Variants in TLE4 observed in about 807,000 individuals in gnomAD.
TLE4 encodes transducin-like enhancer protein 4.
A neutral mutation model predicts 92.8 loss-of-function variants in TLE4; 8 were observed. The ratio of observed to expected loss-of-function variants is 0.09; its 90% CI spans 0.05 to 0.16. The LOEUF is 0.16. Among genes scored for constraint, TLE4 ranks in the 10% least tolerant of loss-of-function variants. TLE4 has a pLI of 1.00. For synonymous variants in TLE4, 371 were observed against 374.1 expected (o/e 0.99, Z 0.10); for missense variants, 675 against 997.6 (o/e 0.68, Z 4.36).
At chr9:79,575,354 A>C (rs1166365472) in intron 3 of TLE4, among the ~76,000 whole-genome samples, 1 of 152,212 alleles carries the variant, frequency 6.6e-6, no homozygotes, top group Non-Finnish European at 1.5e-5. Flanking sequence ...AGACATTATT[A>C]AAAAATAATG....
chr9:79,704,261 G>A (rs548213234), intron 8 of TLE4, among the ~76,000 whole-genome samples: 2 of 152,114 alleles, frequency 1.3e-5, no homozygotes, highest in South Asian at 4.2e-4. Flanking sequence ...CTGCAGGCAC[G>A]CCACCATGCC....
At chr9:79,704,581 C>T in intron 8 of TLE4, 1 of 600,054 alleles carries the variant, frequency 1.7e-6, no homozygotes, top group Non-Finnish European at 2.8e-6. Context: ...TTATCTTTCC[C>T]CCTTGTCTTT....
At chr9:79,666,838 C>G (rs927357057) in intron 8 of TLE4, among the ~76,000 whole-genome samples, 1 of 147,210 alleles carries the variant, frequency 6.8e-6, no homozygotes, top group African/African-American at 2.6e-5. Context: ...AAAACTGTAC[C>G]TGATACTTAA....
chr9:79,646,034 C>A (rs1314448749), intron 6 of TLE4, among the ~76,000 whole-genome samples: 1 of 151,752 alleles, frequency 6.6e-6, no homozygotes, highest in Non-Finnish European at 1.5e-5. Context: ...CTCTTTAATT[C>A]TTTGGCTTGA....
chr9:79,646,071 CTA>C (rs200266157), intron 6 of TLE4, among the ~76,000 whole-genome samples: 19 of 150,280 alleles, frequency 1.3e-4, no homozygotes, highest in African/African-American at 3.7e-4. Context: ...CTTCTAAAGC[CTA>C]TATATATATA....
At position 79,725,416 on chromosome 9, in the gene TLE4, A is replaced by G. The variant is rs1218533660; in HGVS notation, c.*272A>G. The G allele has an allele frequency of 8.6e-6, 2 of 233,610 alleles. No individual in the cohort carries two copies. The highest frequency in any genetic ancestry group is 5.3e-5 in the Admixed American group (1 of 19,036). The allele number at this position is 233,610 out of a possible 1,614,324, so 14.5% of individuals were successfully genotyped here. A position where few individuals can be genotyped will look rare whatever the true frequency, so the allele number is the denominator to read the frequency against. ...TGAAAAGAATCTTTAATTATGTATT[A>G]TATCTGTAATATATTTATTTTGTTT... On this transcript the variant is annotated 3_prime_UTR_variant, in exon 20 of 20. Transcript: ENST00000376552.
chr9:79,622,244 C>T (rs1249882587), intron 5 of TLE4, among the ~76,000 whole-genome samples: 1 of 152,096 alleles, frequency 6.6e-6, no homozygotes, highest in Non-Finnish European at 1.5e-5. Flanking sequence ...ACACCCTTTC[C>T]ACTTTAAAGT....
At chr9:79,703,470 G>A (rs1418326052) in intron 8 of TLE4, among the ~76,000 whole-genome samples, 3 of 152,148 alleles carry the variant, frequency 2.0e-5, no homozygotes, top group Non-Finnish European at 4.4e-5. Context: ...AGTTTTCATT[G>A]GCACTTTTTT....
rs57278935 is a variant in TLE4, at chr9:79,592,183, CTCTTCTTCT to C, written c.252+16030_252+16038del. On this transcript the variant is annotated intron_variant, in intron 4 of 19. Transcript: ENST00000376552. ...CTTCTTCTTCTTCCTCTTCCTCTTC[CTCTTCTTCT>C]TCTTCTTCTTCTTCTTCTTCTTCCT... 4.3e-3 allele frequency among the ~76,000 whole-genome samples: 577 copies of C among 135,338 alleles called. 9 individuals are homozygous for C. The highest frequency in any genetic ancestry group is 0.033 in the East Asian group (156 of 4,728). 88.8% of individuals were successfully genotyped at this position (135,338 alleles called of 152,430 possible). A position where few individuals can be genotyped will look rare whatever the true frequency, so the allele number is the denominator to read the frequency against.
At chr9:79,662,480 C>G (rs2060674573) in intron 8 of TLE4, among the ~76,000 whole-genome samples, 1 of 151,966 alleles carries the variant, frequency 6.6e-6, no homozygotes. Flanking sequence ...TTTTAAACTT[C>G]TGTTTTTGTG....
intron 6 of TLE4, among the ~76,000 whole-genome samples, chr9:79,649,271 TACACACAC>T (rs61394180): frequency 2.9e-4 from 43 of 147,352 alleles, no homozygotes; most frequent in Non-Finnish European, 4.9e-4. Flanking sequence ...CATACATACA[TACACACAC>T]ACACACACAC....
chr9:79,606,260 G>A (rs1166595076), intron 4 of TLE4, among the ~76,000 whole-genome samples: 22 of 103,410 alleles, frequency 2.1e-4, no homozygotes, highest in African/African-American at 8.3e-4. Context: ...GCTTAGGCAT[G>A]TGGTTTACCA....
chr9:79,641,496 T>C (rs1347176504), intron 6 of TLE4, among the ~76,000 whole-genome samples: 2 of 152,172 alleles, frequency 1.3e-5, no homozygotes, highest in Admixed American at 6.5e-5. Context: ...ACTTGTATTC[T>C]ACCCGACTTC....
At chr9:79,593,553 C>T (rs1404330647) in intron 4 of TLE4, among the ~76,000 whole-genome samples, 1 of 152,062 alleles carries the variant, frequency 6.6e-6, no homozygotes, top group Non-Finnish European at 1.5e-5. Context: ...AGATTGAGGC[C>T]TTTAAAAGAT....
At chr9:79,696,813 T>C (rs1023327930) in intron 8 of TLE4, among the ~76,000 whole-genome samples, 4 of 152,234 alleles carry the variant, frequency 2.6e-5, no homozygotes, top group Non-Finnish European at 5.9e-5. Context: ...TCAAAGCAGC[T>C]GTTATGCTTG....
chr9:79,642,128 C>T (rs1587709710), intron 6 of TLE4, among the ~76,000 whole-genome samples: 2 of 151,962 alleles, frequency 1.3e-5, no homozygotes, highest in East Asian at 3.9e-4. Context: ...AGCAAGTCTC[C>T]TAGATGACAT....
intron 4 of TLE4, among the ~76,000 whole-genome samples, chr9:79,611,781 G>C (rs1474192060): frequency 3.3e-5 from 5 of 151,786 alleles, no homozygotes; most frequent in Non-Finnish European, 5.9e-5. Flanking sequence ...ATAAACATTG[G>C]TAAAACTGTG....
chr9:79,708,702 C>T lies in TLE4; in HGVS notation c.1179C>T (p.Tyr393=), dbSNP rs762279616. ...AGCTGACCAGCCCCGGAGCGGCCTA[C>T]GCTGGGCTCCACAACATCTCCCCTC... ...NGELTSPGAA[Y]AGLHNISPQM... is the part of the protein sequence containing the mutation. The change falls in exon 13 of 20, where the codon TAC becomes TAT. Residue 393 remains tyrosine, a synonymous_variant. Transcript: ENST00000376552. 13 of 1,613,360 alleles carry T rather than the reference C, an allele frequency of 8.1e-6. No individual in the cohort carries two copies. Among genetic ancestry groups the T allele is most frequent in the African/African-American group, 2.7e-5 (2 of 74,938 alleles).
chr9:79,719,911 ACTTTATCATTGTCATAAGTATAAACGGCT>A (rs2075286285), intron 15 of TLE4, 106 bp from the exon 16 acceptor site: 2 of 1,172,126 alleles, frequency 1.7e-6, no homozygotes, highest in South Asian at 3.5e-5. Context: ...GCATTAATCC[ACTTTATCATTGTCATAAGTATAAACGGCT>A]CATTAAACCA....
Sources: allele counts gnomAD v4.1 joint callset (sites outside exome capture counted in the v4.1 genomes callset), GRCh38; gene constraint gnomAD v4.1.1; transcripts MANE v1.5; gene names NCBI Gene and HGNC (gene_info 2026-07-23, HGNC 2026-07-21).